SCML2: variants seen among roughly 807,000 people sequenced by gnomAD.
SCML2 encodes the protein Scm polycomb group protein like 2.
A neutral mutation model predicts 48.4 loss-of-function variants in SCML2; 6 were observed. That is an observed-to-expected ratio of 0.12 (90% CI 0.07 to 0.24). The LOEUF (loss-of-function observed/expected upper bound fraction) is 0.24. Ranked by LOEUF, SCML2 falls within the 10% of genes least tolerant of loss-of-function variation. The pLI is 1.00. For missense variants in SCML2, 377 were observed against 528.2 expected (o/e 0.71, Z 2.81); for synonymous variants, 181 against 189.5 (o/e 0.95, Z 0.37).
intron 7 of SCML2, among the ~76,000 whole-genome samples, chrX:18,282,078 G>A (rs1927878477): frequency 2.7e-5 from 3 of 110,103 alleles, no homozygotes; most frequent in South Asian, 3.9e-4. Flanking sequence ...AGCCAAGATC[G>A]CGCCACTGCA....
Position 18,265,704 on chromosome X carries a change from T to G in SCML2, c.829A>C (p.Thr277Pro). The G allele has an allele frequency of 8.3e-7, 1 of 1,210,049 alleles. No homozygotes were observed. ...CGACTTGATCTCCTGACCTGCTGTGTTGGTAATATTAGAGTAGTTTTCTGT... is the reference window on the plus strand; with the variant it reads ...CGACTTGATCTCCTGACCTGCTGTGGTGGTAATATTAGAGTAGTTTTCTGT... ...SPQKTTLILPTQQVRRSSRIK... is the reference protein window; with the variant it reads ...SPQKTTLILPPQQVRRSSRIK... Residue 277 changes from threonine to proline, a missense_variant, in exon 8 of 15, where the codon ACA (threonine) becomes CCA (proline). Transcript: ENST00000251900.
intron 1 of SCML2, among the ~76,000 whole-genome samples, chrX:18,350,362 G>A (rs1358092383): frequency 9.2e-6 from 1 of 109,043 alleles, no homozygotes; most frequent in Non-Finnish European, 1.9e-5. Context: ...GATTACCTGA[G>A]GTCAGGAGTT....
At chrX:18,244,082 C>T (rs1384801817) in intron 13 of SCML2, among the ~76,000 whole-genome samples, 6 of 111,732 alleles carry the variant, frequency 5.4e-5, no homozygotes, top group African/African-American at 1.6e-4. Flanking sequence ...TTCTTTCCAA[C>T]ATCACAACGA....
chrX:18,286,404 G>A (rs1178813360), intron 7 of SCML2, among the ~76,000 whole-genome samples: 1 of 111,942 alleles, frequency 8.9e-6, no homozygotes, highest in African/African-American at 3.2e-5. Context: ...CTGCATGCCA[G>A]CAGTGACCTT....
At chrX:18,266,358 G>A (rs1371000941) in intron 7 of SCML2, among the ~76,000 whole-genome samples, 2 of 111,262 alleles carry the variant, frequency 1.8e-5, no homozygotes, top group Admixed American at 9.6e-5. Flanking sequence ...TACTAATAAA[G>A]TTTCATATAC....
chrX:18,340,415 T>C (rs1569165519), intron 1 of SCML2, among the ~76,000 whole-genome samples: 1 of 111,376 alleles, frequency 9.0e-6, no homozygotes, highest in Non-Finnish European at 1.9e-5. Context: ...TCTCAAAAAT[T>C]AATACATAAA....
rs765893545 is a variant in SCML2 at position 18,240,659 on chromosome X, A to G, written c.*592T>C. On this transcript the variant is annotated 3_prime_UTR_variant, in exon 15 of 15. Coordinates refer to ENST00000251900, the MANE Select transcript of SCML2 (RefSeq NM_006089.3). ...TCCTTTAAATATGATCAAATACAAC[A>G]TACAGAGAAATAATAAAAGGAAAAT... 2.0e-4 allele frequency: 23 copies of G among 112,322 alleles called. No individual in the cohort carries two copies. Among genetic ancestry groups the G allele is most frequent in the African/African-American group, 6.5e-4 (20 of 31,005 alleles). The allele number at this position is 112,322 out of a possible 1,213,427, so 9.3% of individuals were successfully genotyped here.
chrX:18,244,295 C>T (rs1455539238), intron 13 of SCML2, among the ~76,000 whole-genome samples: 1 of 111,338 alleles, frequency 9.0e-6, no homozygotes, highest in Non-Finnish European at 1.9e-5. Flanking sequence ...AAAGACACAA[C>T]ATAACATGAA....
At chrX:18,349,823 A>C (rs190221864) in intron 1 of SCML2, among the ~76,000 whole-genome samples, 127 of 112,433 alleles carry the variant, frequency 1.1e-3, no homozygotes, top group African/African-American at 3.9e-3. Context: ...AAAAAAACCC[A>C]GTATTATTTC....
chrX:18,253,998 C>T (rs976392956), intron 11 of SCML2, among the ~76,000 whole-genome samples: 1 of 111,341 alleles, frequency 9.0e-6, no homozygotes. Context: ...TATCCTTGTG[C>T]GAAGTGAGGG....
chrX:18,308,877 C>T (rs1221450593), intron 6 of SCML2, among the ~76,000 whole-genome samples: 1 of 111,231 alleles, frequency 9.0e-6, no homozygotes, highest in Non-Finnish European at 1.9e-5. Context: ...GAAAAAAATG[C>T]TCAGTATCAC....
chrX:18,346,771 T>C (rs1317218236), intron 1 of SCML2, among the ~76,000 whole-genome samples: 1 of 112,216 alleles, frequency 8.9e-6, no homozygotes, highest in Non-Finnish European at 1.9e-5. Flanking sequence ...TATTATTTTG[T>C]TTCAAGAAGT....
At chrX:18,348,583 A>C (rs754884359) in intron 1 of SCML2, among the ~76,000 whole-genome samples, 8 of 112,131 alleles carry the variant, frequency 7.1e-5, no homozygotes, top group African/African-American at 2.6e-4. Context: ...CAATATCTAA[A>C]TATACTTACT....
At chrX:18,343,917 T>C (rs1930109867) in intron 1 of SCML2, among the ~76,000 whole-genome samples, 1 of 74,310 alleles carries the variant, frequency 1.3e-5, no homozygotes, top group African/African-American at 5.6e-5. Context: ...AAACCCTGCC[T>C]CTATTTAAAA....
intron 11 of SCML2, among the ~76,000 whole-genome samples, chrX:18,252,576 G>A (rs1366734002): frequency 1.8e-5 from 2 of 112,299 alleles, no homozygotes; most frequent in African/African-American, 6.5e-5. Context: ...ATTATGGTAT[G>A]TGAATTATAT....
intron 13 of SCML2, among the ~76,000 whole-genome samples, chrX:18,243,900 G>T (rs1204417472): frequency 8.9e-6 from 1 of 111,938 alleles, no homozygotes; most frequent in Non-Finnish European, 1.9e-5. Context: ...ACACAAATTT[G>T]ATGTTTTTTT....
chrX:18,242,265 A>G (rs1421770856), intron 14 of SCML2, among the ~76,000 whole-genome samples, 174 bp downstream of exon 14: 1 of 111,927 alleles, frequency 8.9e-6, no homozygotes, highest in Non-Finnish European at 1.9e-5. Context: ...CTTAAAGAAC[A>G]GACCATTAAT....
chrX:18,285,653 G>A (rs189393142), intron 7 of SCML2, among the ~76,000 whole-genome samples: 25 of 111,337 alleles, frequency 2.2e-4, no homozygotes, highest in Non-Finnish European at 4.1e-4. Context: ...TGTACCGTCT[G>A]TATCTAAAAT....
chrX:18,325,697 C>T (rs998387777), intron 3 of SCML2, among the ~76,000 whole-genome samples: 1 of 111,768 alleles, frequency 8.9e-6, no homozygotes, highest in African/African-American at 3.3e-5. Flanking sequence ...CTGGCTTGAA[C>T]GTATCATTTC....
Sources: gnomAD v4.1 joint callset for allele counts (sites outside exome capture counted in the v4.1 genomes callset) on GRCh38, gnomAD v4.1.1 for gene constraint, MANE v1.5 for transcripts, NCBI Gene and HGNC (gene_info 2026-07-23, HGNC 2026-07-21) for gene names.